MANEA: variants seen among roughly 807,000 people sequenced by gnomAD.
MANEA encodes the protein mannosidase endo-alpha, also known as glycoprotein endo-alpha-1,2-mannosidase.
MANEA carries 25 observed loss-of-function variants against 36.8 expected under a neutral mutation model. The observed-to-expected ratio is 0.68, with a 90% CI of 0.50 to 0.95. The LOEUF is 0.95. MANEA is among the 40% of genes least tolerant of loss of function. The probability of loss-of-function intolerance (pLI) is 0.00; values close to 1 mark genes in which losing one functional copy is unlikely to be tolerated. For missense variants in MANEA, 565 were observed against 558.8 expected (o/e 1.01, Z -0.11); for synonymous variants, 198 against 188.5 (o/e 1.05, Z -0.41).
rs1769530964 is a variant in MANEA at position 95,598,682 on chromosome 6, AAT to A, written c.654+1838_654+1839del. On this transcript the variant is annotated intron_variant, in intron 3 of 4. Coordinates refer to ENST00000358812, the MANE Select transcript of MANEA (RefSeq NM_024641.4). ...TGTGGGAGGGAACTGCAAAGTTATG[AAT>A]ACCAGGAGATGGGTATCGGGGGGCC... Among the ~76,000 whole-genome samples, 3 of 152,304 alleles carry A rather than the reference AAT, an allele frequency of 2.0e-5. No homozygotes were observed. The South Asian group carries it at 6.2e-4, about 32-fold the overall frequency.
rs185026105 is a variant in MANEA, at chr6:95,587,311, G to T, written c.544+328G>T. 189 of 276,818 alleles carry T rather than the reference G, an allele frequency of 6.8e-4. 1 individual carries two copies. The highest frequency in any genetic ancestry group is 4.0e-3 in the African/African-American group (180 of 44,964). The allele number at this position is 276,818 out of a possible 1,614,324, so 17.1% of individuals were successfully genotyped here. ...CACTTTAAGTTTATAGCTCATTGAT[G>T]TTACTCAAAAGTATATACCTGTTTG... On this transcript the variant is annotated intron_variant, in intron 2 of 4. Coordinates refer to ENST00000358812, the MANE Select transcript of MANEA (RefSeq NM_024641.4).
intron 3 of MANEA, 152 bp downstream of exon 3, chr6:95,596,998 G>T: frequency 2.3e-6 from 1 of 430,066 alleles, no homozygotes; most frequent in Admixed American, 3.8e-5. Context: ...TTCTATAATA[G>T]GAATTTCAAT....
intron 2 of MANEA, among the ~76,000 whole-genome samples, chr6:95,593,270 T>A (rs1769419419): frequency 6.6e-6 from 1 of 152,232 alleles, no homozygotes; most frequent in Admixed American, 6.5e-5. Flanking sequence ...CAGAAGACAC[T>A]GTATAATGAT....
chr6:95,579,760 T>C (rs1347921745), intron 1 of MANEA, among the ~76,000 whole-genome samples: 1 of 152,150 alleles, frequency 6.6e-6, no homozygotes, highest in Non-Finnish European at 1.5e-5. Context: ...TAATTTTTTA[T>C]TAGACATCAC....
chr6:95,594,742 T>A (rs1769454121), intron 2 of MANEA, among the ~76,000 whole-genome samples: 1 of 152,218 alleles, frequency 6.6e-6, no homozygotes, highest in Non-Finnish European at 1.5e-5. Flanking sequence ...GAATACCATT[T>A]CTGGTTACCT....
At chr6:95,584,392 G>A (rs1315768518) in intron 1 of MANEA, among the ~76,000 whole-genome samples, 3 of 152,048 alleles carry the variant, frequency 2.0e-5, no homozygotes, top group African/African-American at 4.8e-5. Flanking sequence ...TGCATTCCTC[G>A]GGGGAGGTCT....
chr6:95,580,672 C>T lies in MANEA; in HGVS notation c.-39+3034C>T, dbSNP rs550533949. 9.2e-5 allele frequency among the ~76,000 whole-genome samples: 13 copies of T among 140,782 alleles called. No homozygotes were observed. The South Asian group carries it at 1.6e-3, about 17-fold the overall frequency. The allele number at this position is 140,782 out of a possible 152,430, so 92.4% of individuals were successfully genotyped here. On this transcript the variant is annotated intron_variant, in intron 1 of 4. Coordinates refer to ENST00000358812, the MANE Select transcript of MANEA (RefSeq NM_024641.4). ...CCCTGGAGGCGGAGCTTGCAGTGAG[C>T]GGAGATAGTGCCACTGCACTCCAGC... is the stretch of plus-strand genomic sequence containing the variant.
chr6:95,593,092 TAC>T (rs1229234449), intron 2 of MANEA, among the ~76,000 whole-genome samples: 1 of 152,170 alleles, frequency 6.6e-6, no homozygotes, highest in Non-Finnish European at 1.5e-5. Context: ...ATGACAGAAA[TAC>T]AGAGTAATAG....
chr6:95,602,805 G>A (rs552655677), intron 3 of MANEA, among the ~76,000 whole-genome samples: 2 of 151,238 alleles, frequency 1.3e-5, no homozygotes, highest in South Asian at 4.2e-4. Flanking sequence ...TGGATCATGA[G>A]GTCAGGAGAT....
intron 2 of MANEA, among the ~76,000 whole-genome samples, chr6:95,594,329 A>C (rs888009883): frequency 1.3e-5 from 2 of 152,168 alleles, no homozygotes; most frequent in Non-Finnish European, 2.9e-5. Flanking sequence ...GTAGCTGATA[A>C]GTGGTGAGAT....
At chr6:95,601,917 CA>C (rs1769601491) in intron 3 of MANEA, among the ~76,000 whole-genome samples, 1 of 151,936 alleles carries the variant, frequency 6.6e-6, no homozygotes, top group Non-Finnish European at 1.5e-5. Flanking sequence ...GCTCTAGAGT[CA>C]TTTTATCTGC....
At chr6:95,593,819 G>A (rs1012231467) in intron 2 of MANEA, among the ~76,000 whole-genome samples, 4 of 152,150 alleles carry the variant, frequency 2.6e-5, no homozygotes, top group Non-Finnish European at 5.9e-5. Context: ...AGGCCGAGGT[G>A]GGAGGATCAG....
chr6:95,583,651 CA>C lies in MANEA; in HGVS notation c.-38-2747del, dbSNP rs376696933. Reference sequence around the variant, plus strand: ...GAAAGAAGAGGTGAAATGGTAAACACAAAATTCAAGCAGTTGCCCTTAGGCA... The same window carrying C: ...GAAAGAAGAGGTGAAATGGTAAACACAAATTCAAGCAGTTGCCCTTAGGCA... On this transcript the variant is annotated intron_variant, in intron 1 of 4. Transcript: ENST00000358812. Among the ~76,000 whole-genome samples the C allele has an allele frequency of 1.4e-4, 21 of 152,140 alleles. No individual in the cohort carries two copies. In the East Asian group the frequency reaches 1.6e-3, roughly 11 times the overall value.
rs1176850681 is a variant in MANEA at position 95,608,901 on chromosome 6, AAG to A, written c.*2499_*2500del. 6.6e-6 allele frequency: 1 copy of A among 151,268 alleles called. No homozygotes were observed. The highest frequency in any genetic ancestry group is 1.5e-5 in the Non-Finnish European group (1 of 67,570). The allele number at this position is 151,268 out of a possible 1,614,324, so 9.4% of individuals were successfully genotyped here. A position where few individuals can be genotyped will look rare whatever the true frequency, so the allele number is the denominator to read the frequency against. ...GTTAGTGAATAATTACATGAAAAAA[AAG>A]AGTCTGTACATCTTCAGAGTTTCAG... On this transcript the variant is annotated 3_prime_UTR_variant, in exon 5 of 5. Coordinates refer to ENST00000358812, the MANE Select transcript of MANEA (RefSeq NM_024641.4).
intron 2 of MANEA, among the ~76,000 whole-genome samples, chr6:95,592,948 A>G (rs369338008): frequency 1.7e-3 from 256 of 152,302 alleles, no homozygotes; most frequent in Non-Finnish European, 2.5e-3. Context: ...TTGACTATCA[A>G]TTATATTGAA....
chr6:95,603,180 A>G (rs1769632268), intron 3 of MANEA, among the ~76,000 whole-genome samples: 1 of 151,978 alleles, frequency 6.6e-6, no homozygotes, highest in South Asian at 2.1e-4. Flanking sequence ...ATAGCATGCT[A>G]TTTGTTGTTT....
At chr6:95,579,538 C>T (rs534950287) in intron 1 of MANEA, among the ~76,000 whole-genome samples, 33 of 151,916 alleles carry the variant, frequency 2.2e-4, no homozygotes, top group African/African-American at 7.0e-4. Context: ...TATTTATCTC[C>T]GGTGGCTTCA....
rs1336737167 is a variant in MANEA, at chr6:95,608,213, T to C, written c.*1808T>C. The C allele has an allele frequency of 6.6e-6, 1 of 151,904 alleles. No homozygotes were observed. Among genetic ancestry groups the C allele is most frequent in the African/African-American group, 2.4e-5 (1 of 41,434 alleles). The allele number at this position is 151,904 out of a possible 1,614,324, so 9.4% of individuals were successfully genotyped here. ...TGTCCATTTAACTAGAATATATTATTTTAGGTATAATTTACAAATGTCACA... is the reference window on the plus strand; with the variant it reads ...TGTCCATTTAACTAGAATATATTATCTTAGGTATAATTTACAAATGTCACA... On this transcript the variant is annotated 3_prime_UTR_variant, in exon 5 of 5. Transcript: ENST00000358812.
intron 2 of MANEA, among the ~76,000 whole-genome samples, chr6:95,591,931 T>A (rs1013255913): frequency 1.3e-5 from 2 of 152,198 alleles, no homozygotes; most frequent in African/African-American, 4.8e-5. Context: ...CTCGATCTCC[T>A]GAGCTCGTTA....
Sources: allele counts gnomAD v4.1 joint callset (sites outside exome capture counted in the v4.1 genomes callset), GRCh38; gene constraint gnomAD v4.1.1; transcripts MANE v1.5; gene names NCBI Gene and HGNC (gene_info 2026-07-23, HGNC 2026-07-21).